Variants in TMEM117 observed in about 807,000 individuals in gnomAD.
The protein encoded by TMEM117 is transmembrane protein 117.
In TMEM117, 27 loss-of-function variants were observed where a neutral mutation model predicts 52.4. That is an observed-to-expected ratio of 0.51 (90% CI 0.38 to 0.71). TMEM117 has a LOEUF of 0.71. TMEM117 is among the 30% of genes least tolerant of loss of function. The pLI, the probability that TMEM117 is intolerant of heterozygous loss-of-function variation, is 0.00. For synonymous variants in TMEM117, 215 were observed against 206.3 expected (o/e 1.04, Z -0.36); for missense variants, 556 against 630.5 (o/e 0.88, Z 1.26).
chr12:44,253,841 C>A (rs1950223527), intron 5 of TMEM117, among the ~76,000 whole-genome samples: 2 of 115,736 alleles, frequency 1.7e-5, no homozygotes, highest in Non-Finnish European at 1.7e-5. Context: ...TTCCTACACA[C>A]ACACACACAC....
chr12:43,900,717 C>CA (rs11381879), intron 2 of TMEM117, among the ~76,000 whole-genome samples: 132,750 of 145,534 alleles, frequency 0.91, 60,710 homozygotes, highest in South Asian at 0.98. Context: ...GACTTTGTCT[C>CA]AAAAAAAAAA....
intron 3 of TMEM117, among the ~76,000 whole-genome samples, chr12:43,979,749 T>G (rs1343894196): frequency 1.3e-5 from 2 of 152,136 alleles, no homozygotes; most frequent in African/African-American, 4.8e-5. Flanking sequence ...CAAAGGCTGT[T>G]TGATATTCTA....
intron 3 of TMEM117, among the ~76,000 whole-genome samples, chr12:43,988,991 A>G (rs763969882): frequency 2.6e-5 from 4 of 152,064 alleles, no homozygotes; most frequent in South Asian, 2.1e-4. Flanking sequence ...AAGTGGGGCA[A>G]TGTTTTCAAA....
chr12:44,001,741 G>C (rs1302217689), intron 3 of TMEM117, among the ~76,000 whole-genome samples: 2 of 152,120 alleles, frequency 1.3e-5, no homozygotes, highest in Admixed American at 6.6e-5. Flanking sequence ...AAGGCCTTGA[G>C]GCTGAAGGAG....
chr12:44,129,418 C>G (rs1480056184), intron 3 of TMEM117, among the ~76,000 whole-genome samples: 2 of 152,192 alleles, frequency 1.3e-5, no homozygotes, highest in Non-Finnish European at 2.9e-5. Flanking sequence ...GTGATCAGCT[C>G]TGCATGTCAG....
At chr12:44,271,582 A>T (rs1028129745) in intron 5 of TMEM117, among the ~76,000 whole-genome samples, 1 of 152,094 alleles carries the variant, frequency 6.6e-6, no homozygotes, top group Non-Finnish European at 1.5e-5. Flanking sequence ...CTCCACTCAT[A>T]TCATATTTAA....
the TMEM117 span, among the ~76,000 whole-genome samples, chr12:44,397,328 T>C: frequency 6.6e-6 from 1 of 152,254 alleles, no homozygotes; most frequent in Admixed American, 6.5e-5. Flanking sequence ...ACTGACTCTG[T>C]ATCTTGAGAT....
At chr12:44,032,629 G>A (rs2137872839) in intron 3 of TMEM117, among the ~76,000 whole-genome samples, 1 of 152,206 alleles carries the variant, frequency 6.6e-6, no homozygotes, top group African/African-American at 2.4e-5. Flanking sequence ...TTTTGCTGTT[G>A]TATTCTTGGT....
chr12:44,320,706 C>T (rs113409730), intron 6 of TMEM117, among the ~76,000 whole-genome samples: 21 of 152,358 alleles, frequency 1.4e-4, no homozygotes, highest in African/African-American at 5.0e-4. Context: ...ATGCTGTCCT[C>T]TCTGTGAAGT....
At chr12:43,820,570 G>A in the TMEM117 span, among the ~76,000 whole-genome samples, 4 of 148,258 alleles carry the variant, frequency 2.7e-5, no homozygotes, top group African/African-American at 1.0e-4. Context: ...ACCACGCCTG[G>A]CCACAGGCGT....
At chr12:43,949,351 C>T (rs1945184278) in intron 3 of TMEM117, among the ~76,000 whole-genome samples, 1 of 152,192 alleles carries the variant, frequency 6.6e-6, no homozygotes, top group Admixed American at 6.5e-5. Context: ...CATTTCTTCT[C>T]CGCTGATTCT....
chr12:44,393,824 G>T (rs1480530480), downstream of TMEM117, among the ~76,000 whole-genome samples: 2 of 152,124 alleles, frequency 1.3e-5, no homozygotes, highest in Admixed American at 1.3e-4. Context: ...AAATTAAATG[G>T]CAAAAGCAGT....
At chr12:44,248,036 T>C (rs146618209) in intron 5 of TMEM117, among the ~76,000 whole-genome samples, 1 of 152,282 alleles carries the variant, frequency 6.6e-6, no homozygotes, top group African/African-American at 2.4e-5. Flanking sequence ...GCTTCCAGTT[T>C]GGGTCTCAGG....
At chr12:44,305,052 T>C (rs1037893630) in intron 6 of TMEM117, among the ~76,000 whole-genome samples, 1 of 152,148 alleles carries the variant, frequency 6.6e-6, no homozygotes, top group African/African-American at 2.4e-5. Flanking sequence ...AGATGACACA[T>C]CTGGACTCAT....
chr12:43,965,779 G>A (rs1192649904), intron 3 of TMEM117, among the ~76,000 whole-genome samples: 1 of 152,010 alleles, frequency 6.6e-6, no homozygotes, highest in African/African-American at 2.4e-5. Context: ...AGATTCAGGG[G>A]GTACATGTGC....
rs552525250 is a variant in TMEM117 at position 44,227,832 on chromosome 12, C to T, written c.608+16445C>T. Among the ~76,000 whole-genome samples the T allele has an allele frequency of 1.2e-4, 18 of 152,208 alleles. No individual in the cohort carries two copies. The South Asian group carries it at 3.5e-3, about 30-fold the overall frequency. On this transcript the variant is annotated intron_variant, in intron 5 of 7. Transcript: ENST00000266534. ...TTTCACATGTTGATCTCCTCAAGGG[C>T]AGTGACTAAGCCTGTTTAGATTTCT...
At chr12:43,965,330 T>C (rs1333785640) in intron 3 of TMEM117, among the ~76,000 whole-genome samples, 33 of 152,246 alleles carry the variant, frequency 2.2e-4, no homozygotes, top group Non-Finnish European at 5.9e-5. Flanking sequence ...CTCCTGATCT[T>C]GGTTGAAGTC....
rs879422193 is a variant in TMEM117 at position 44,078,900 on chromosome 12, A to C, written c.411-64625A>C. On this transcript the variant is annotated intron_variant, in intron 3 of 7. Coordinates refer to ENST00000266534, the MANE Select transcript of TMEM117 (RefSeq NM_032256.3). ...CCAACAGGCCCCAGTATGTGATGTT[A>C]CCCTCCCTGTGTCCATGTATTCTCA... Among the ~76,000 whole-genome samples the C allele has an allele frequency of 4.1e-4, 45 of 109,424 alleles. No homozygotes were observed. The East Asian group carries it at 4.6e-3, about 11-fold the overall frequency. The allele number at this position is 109,424 out of a possible 152,430, so 71.8% of individuals were successfully genotyped here.
At chr12:44,269,130 TTCTC>T in intron 5 of TMEM117, among the ~76,000 whole-genome samples, 1 of 152,176 alleles carries the variant, frequency 6.6e-6, no homozygotes, top group Non-Finnish European at 1.5e-5. Flanking sequence ...GTTTTCTCCT[TTCTC>T]TATTGTCTGA....
Sources: allele counts gnomAD v4.1 joint callset (sites outside exome capture counted in the v4.1 genomes callset), GRCh38; gene constraint gnomAD v4.1.1; transcripts MANE v1.5; gene names NCBI Gene and HGNC (gene_info 2026-07-23, HGNC 2026-07-21).